The following JAZF1 variants were observed in gnomAD, a reference collection of about 807,000 sequenced individuals.
JAZF1 encodes JAZF zinc finger 1, also known as juxtaposed with another zinc finger protein 1.
Under a neutral mutation model 26.4 loss-of-function variants are expected in JAZF1, and 8 were observed. The ratio of observed to expected loss-of-function variants is 0.30; its 90% CI spans 0.18 to 0.55. The LOEUF is 0.55. Among genes scored for constraint, JAZF1 ranks in the 20% least tolerant of loss-of-function variants. JAZF1 has a pLI of 0.94. For missense variants in JAZF1, 199 were observed against 322.0 expected, an observed-to-expected ratio of 0.62 and a Z score of 2.92; for synonymous variants, 126 against 122.3, an observed-to-expected ratio of 1.03 and a Z score of -0.20.
chr7:28,127,197 AC>A (rs1449408286), intron 1 of JAZF1, among the ~76,000 whole-genome samples: 1 of 152,142 alleles, frequency 6.6e-6, no homozygotes, highest in Non-Finnish European at 1.5e-5. Context: ...AAATGGACAG[AC>A]CCTTCCTGCA....
chr7:27,959,709 G>A (rs1050120418), intron 2 of JAZF1, among the ~76,000 whole-genome samples: 3 of 152,004 alleles, frequency 2.0e-5, no homozygotes, highest in African/African-American at 4.8e-5. Flanking sequence ...AGACCAGCCT[G>A]ACCAACATGG....
At chr7:28,100,023 G>A (rs1482030117) in intron 1 of JAZF1, among the ~76,000 whole-genome samples, 1 of 152,172 alleles carries the variant, frequency 6.6e-6, no homozygotes, top group Non-Finnish European at 1.5e-5. Context: ...AGTACTTAAA[G>A]TCAAGTTTTT....
chr7:28,093,211 T>A (rs1784330717), intron 1 of JAZF1, among the ~76,000 whole-genome samples: 1 of 152,132 alleles, frequency 6.6e-6, no homozygotes, highest in South Asian at 2.1e-4. Flanking sequence ...TTCCCACATG[T>A]TGTGGGAGGG....
intron 1 of JAZF1, among the ~76,000 whole-genome samples, chr7:28,144,858 C>T (rs1325078241): frequency 1.3e-5 from 2 of 152,172 alleles, no homozygotes; most frequent in Non-Finnish European, 2.9e-5. Context: ...GAAAATGGCA[C>T]TTGGCTTCCA....
intron 2 of JAZF1, among the ~76,000 whole-genome samples, chr7:27,929,979 CCT>C (rs367764460): frequency 2.4e-4 from 34 of 143,238 alleles, no homozygotes; most frequent in Non-Finnish European, 2.5e-4. Context: ...TCCCTCCCTC[CCT>C]CTCTCTCTCT....
At chr7:28,039,538 G>C (rs551910710) in intron 1 of JAZF1, among the ~76,000 whole-genome samples, 8 of 152,190 alleles carry the variant, frequency 5.3e-5, no homozygotes, top group African/African-American at 1.9e-4. Flanking sequence ...GATATATGAA[G>C]CTAAGATAGT....
At chr7:27,976,966 GA>G (rs146400038) in intron 2 of JAZF1, among the ~76,000 whole-genome samples, 10,420 of 151,502 alleles carry the variant, frequency 0.069, 486 homozygotes, top group Middle Eastern at 0.12. Context: ...GTAGAAGGAG[GA>G]AAAAAAAGCA....
intron 1 of JAZF1, among the ~76,000 whole-genome samples, chr7:28,137,607 GC>G (rs1279871127): frequency 6.6e-6 from 1 of 152,154 alleles, no homozygotes; most frequent in Non-Finnish European, 1.5e-5. Context: ...GATGAACTGT[GC>G]ATAATTCCTC....
intron 2 of JAZF1, among the ~76,000 whole-genome samples, chr7:27,921,786 C>T (rs1021544896): frequency 6.6e-6 from 1 of 152,152 alleles, no homozygotes; most frequent in Non-Finnish European, 1.5e-5. Flanking sequence ...AATCCCAGTG[C>T]TTTGGGAGTC....
At chr7:28,045,202 T>C (rs1202752633) in intron 1 of JAZF1, among the ~76,000 whole-genome samples, 1 of 152,128 alleles carries the variant, frequency 6.6e-6, no homozygotes, top group Non-Finnish European at 1.5e-5. Context: ...GGTAGGAGTA[T>C]GTCTACAGAA....
At chr7:27,926,462 G>C (rs2128349036) in intron 2 of JAZF1, among the ~76,000 whole-genome samples, 1 of 152,272 alleles carries the variant, frequency 6.6e-6, no homozygotes, top group Non-Finnish European at 1.5e-5. Flanking sequence ...AAACCACTGG[G>C]TTCTTGGGTA....
At chr7:27,904,626 CG>C (rs1479194810) in intron 2 of JAZF1, among the ~76,000 whole-genome samples, 1 of 150,904 alleles carries the variant, frequency 6.6e-6, no homozygotes, top group Non-Finnish European at 1.5e-5. Context: ...CTGAGGCCCA[CG>C]GGGTGGATTT....
At chr7:28,058,926 C>A (rs1028083866) in intron 1 of JAZF1, among the ~76,000 whole-genome samples, 2 of 152,130 alleles carry the variant, frequency 1.3e-5, no homozygotes, top group Admixed American at 6.5e-5. Context: ...TCACATCAAG[C>A]GTAACACTAA....
At chr7:28,158,044 C>T (rs1361412509) in intron 1 of JAZF1, among the ~76,000 whole-genome samples, 2 of 151,986 alleles carry the variant, frequency 1.3e-5, no homozygotes, top group African/African-American at 4.8e-5. Context: ...GAACCCTGCA[C>T]AATGTGCCCT....
chr7:28,139,319 T>TC, intron 1 of JAZF1, among the ~76,000 whole-genome samples: 1 of 152,270 alleles, frequency 6.6e-6, no homozygotes, highest in Middle Eastern at 3.4e-3. Flanking sequence ...GTGAACTGTG[T>TC]CCCCCAGAGC....
At chr7:28,100,378 T>C (rs1488659358) in intron 1 of JAZF1, among the ~76,000 whole-genome samples, 1 of 152,082 alleles carries the variant, frequency 6.6e-6, no homozygotes, top group Non-Finnish European at 1.5e-5. Flanking sequence ...TCAAAAAAGT[T>C]TTATTTTTCA....
intron 1 of JAZF1, among the ~76,000 whole-genome samples, chr7:28,132,783 C>T (rs1023738646): frequency 2.0e-5 from 3 of 152,158 alleles, no homozygotes; most frequent in Non-Finnish European, 4.4e-5. Flanking sequence ...ATACAGTTAG[C>T]TCTCAATGTA....
At chr7:28,011,826 C>A (rs530004839) in intron 1 of JAZF1, among the ~76,000 whole-genome samples, 51 of 152,256 alleles carry the variant, frequency 3.3e-4, no homozygotes, top group African/African-American at 1.2e-3. Context: ...ATATTCATGT[C>A]CTCAGATTTA....
intron 2 of JAZF1, among the ~76,000 whole-genome samples, chr7:27,989,247 T>G (rs1334477671): frequency 6.6e-6 from 1 of 152,210 alleles, no homozygotes; most frequent in African/African-American, 2.4e-5. Context: ...TGTAGAAAGC[T>G]GAAATTGGAT....
Sources: gnomAD v4.1 joint callset for allele counts (sites outside exome capture counted in the v4.1 genomes callset) on GRCh38, gnomAD v4.1.1 for gene constraint, MANE v1.5 for transcripts, NCBI Gene and HGNC (gene_info 2026-07-23, HGNC 2026-07-21) for gene names.